The following NMNAT1 variants were observed in gnomAD, a reference collection of about 807,000 sequenced individuals.
The protein encoded by NMNAT1 is nicotinamide nucleotide adenylyltransferase 1, also known as nicotinamide/nicotinic acid mononucleotide adenylyltransferase 1.
Under a neutral mutation model 16.7 loss-of-function variants are expected in NMNAT1, and 11 were observed. That is an observed-to-expected ratio of 0.66 (90% CI 0.41 to 1.09). The LOEUF is 1.09. NMNAT1 is among the 50% of genes least tolerant of loss of function. The pLI, the probability that NMNAT1 is intolerant of heterozygous loss-of-function variation, is 0.00. For missense variants in NMNAT1, 280 were observed against 332.3 expected (o/e 0.84, Z 1.22); for synonymous variants, 110 against 119.8 (o/e 0.92, Z 0.53).
intron 1 of NMNAT1, among the ~76,000 whole-genome samples, chr1:9,966,884 A>G (rs1182129597): frequency 6.6e-6 from 1 of 152,176 alleles, no homozygotes; most frequent in Non-Finnish European, 1.5e-5. Context: ...GTTGAATGCC[A>G]GCAAACAATG....
intron 1 of NMNAT1, among the ~76,000 whole-genome samples, chr1:9,968,972 T>C (rs1641627933): frequency 6.7e-6 from 1 of 148,990 alleles, no homozygotes; most frequent in Non-Finnish European, 1.5e-5. Flanking sequence ...AGAAAAAACC[T>C]GGCACAAAAG....
intron 2 of NMNAT1, among the ~76,000 whole-genome samples, chr1:9,974,039 T>C (rs1009965554): frequency 1.3e-5 from 2 of 152,104 alleles, no homozygotes; most frequent in Admixed American, 6.6e-5. Context: ...GGTTTCACCA[T>C]GTTGACCAGG....
Position 9,972,723 on chromosome 1 carries a change from C to T in NMNAT1, c.115+535C>T, listed in dbSNP as rs188822179. 3.1e-3 allele frequency among the ~76,000 whole-genome samples: 478 copies of T among 152,068 alleles called. 11 individuals carry two copies. Among genetic ancestry groups the T allele is most frequent in the Non-Finnish European group, 7.6e-4 (52 of 67,980 alleles). On this transcript the variant is annotated intron_variant, in intron 2 of 4. Transcript: ENST00000377205. ...CTGTAATCCCAGTGCTTTGGGAGGC[C>T]GAGGTGGGAGGATCACTTGAGGCCA...
chr1:9,962,479 CT>C (rs1641439399), intron 1 of NMNAT1, among the ~76,000 whole-genome samples: 1 of 141,530 alleles, frequency 7.1e-6, no homozygotes, highest in African/African-American at 2.6e-5. Context: ...GAGACTCCGT[CT>C]GAAAAAAAAA....
intron 1 of NMNAT1, among the ~76,000 whole-genome samples, chr1:9,944,127 G>A (rs1640902805): frequency 6.6e-6 from 1 of 152,060 alleles, no homozygotes; most frequent in Non-Finnish European, 1.5e-5. Context: ...GGTGGTGGGC[G>A]CCTGTAATCT....
chr1:9,988,573 G>A (rs1642074059), downstream of NMNAT1, among the ~76,000 whole-genome samples: 1 of 151,874 alleles, frequency 6.6e-6, no homozygotes, highest in African/African-American at 2.4e-5. Flanking sequence ...CATGGTGGCA[G>A]GCACTTGTGG....
Position 9,981,072 on chromosome 1 carries a change from A to G in NMNAT1, c.341A>G (p.Gln114Arg). 1.2e-6 allele frequency: 2 copies of G among 1,613,540 alleles called. No homozygotes were observed. The highest frequency in any genetic ancestry group is 2.2e-5 in the South Asian group (2 of 90,966). The change falls in exon 4 of 5, where the codon CAG becomes CGG. Residue 114 changes from glutamine to arginine, a missense_variant. Physicochemically the swap from Gln to Arg is conservative, Grantham distance 43. Transcript: ENST00000377205. ...EKLEASDCDH[Q>R]QNSPTLERPG... ...TTGGAGGCTAGTGACTGTGATCACC[A>G]GCAGAACTCACCTACTCTAGAAAGG...
At chr1:9,958,320 A>T (rs539290941) in intron 1 of NMNAT1, among the ~76,000 whole-genome samples, 4 of 152,082 alleles carry the variant, frequency 2.6e-5, no homozygotes, top group Non-Finnish European at 5.9e-5. Flanking sequence ...TTGAATTGAG[A>T]TCCATTGCAT....
At chr1:9,971,240 A>G (rs1377326077) in intron 1 of NMNAT1, among the ~76,000 whole-genome samples, 1 of 152,196 alleles carries the variant, frequency 6.6e-6, no homozygotes, top group Non-Finnish European at 1.5e-5. Flanking sequence ...TTCATGGTAG[A>G]AGTTGCAGAT....
chr1:9,965,642 ATC>A (rs985595645), intron 1 of NMNAT1, among the ~76,000 whole-genome samples: 2 of 151,956 alleles, frequency 1.3e-5, no homozygotes, highest in African/African-American at 4.8e-5. Flanking sequence ...ACCTCAAGCG[ATC>A]TCTCTGCTTT....
downstream of NMNAT1, among the ~76,000 whole-genome samples, chr1:9,987,500 G>A (rs1039793611): frequency 3.3e-5 from 5 of 151,182 alleles, no homozygotes; most frequent in South Asian, 4.2e-4. Context: ...TTATCCGGGC[G>A]TAGGTGGCGG....
chr1:9,986,014 G>C (rs1642041274), downstream of NMNAT1, among the ~76,000 whole-genome samples: 1 of 152,038 alleles, frequency 6.6e-6, no homozygotes, highest in Admixed American at 6.6e-5. Flanking sequence ...GACTCTGCAG[G>C]GATGATCACT....
chr1:9,975,522 T>G, intron 2 of NMNAT1, 70 bp from the exon 3 acceptor site: 1 of 1,225,218 alleles, frequency 8.2e-7, no homozygotes, highest in Non-Finnish European at 1.2e-6. Flanking sequence ...CAAATAATAT[T>G]GATCGTAATA....
chr1:9,966,528 G>A (rs748244617), intron 1 of NMNAT1, among the ~76,000 whole-genome samples: 6 of 151,728 alleles, frequency 4.0e-5, no homozygotes, highest in Non-Finnish European at 7.4e-5. Context: ...CAGGAGAATC[G>A]CTTGAACCCA....
chr1:9,981,457 G>C, intron 4 of NMNAT1: 1 of 272,852 alleles, frequency 3.7e-6, no homozygotes, highest in Non-Finnish European at 7.1e-6. Flanking sequence ...GGATGGTCTT[G>C]ATCTCCTGAC....
At chr1:9,978,561 G>T (rs1167475702) in intron 3 of NMNAT1, among the ~76,000 whole-genome samples, 3 of 152,158 alleles carry the variant, frequency 2.0e-5, no homozygotes, top group Non-Finnish European at 4.4e-5. Context: ...TCTCTCAAGA[G>T]GACTTCCTTT....
rs780520411 is a variant in NMNAT1, at chr1:9,982,494, C to T, written c.633C>T (p.His211=). 111 of 1,614,004 alleles carry T rather than the reference C, an allele frequency of 6.9e-5. No individual in the cohort carries two copies. In the Admixed American group the frequency reaches 1.5e-3, roughly 22 times the overall value. The change falls in exon 5 of 5, where the codon CAC becomes CAT. Residue 211 remains histidine (H), a synonymous_variant. Coordinates refer to ENST00000377205, the MANE Select transcript of NMNAT1 (RefSeq NM_022787.4). ...DVLWKHRSNI[H]VVNEWIANDI... is the part of the protein sequence containing the mutation. ...TGTGGAAACACCGGAGCAACATTCA[C>T]GTGGTGAATGAATGGATCGCTAATG...
In NMNAT1 at chr1:9,959,071, T is replaced by C. The variant is rs569698474; in HGVS notation, c.-56-12947T>C. The stretch of plus-strand genomic sequence containing the variant: ...TGAGATTACGTGTACGTAGTTTCCA[T>C]GGCATGTAAGAAAATCTTGGTCGGG... On this transcript the variant is annotated intron_variant, in intron 1 of 4. Transcript: ENST00000377205. Among the ~76,000 whole-genome samples the C allele has an allele frequency of 9.1e-4, 138 of 152,288 alleles. 1 individual carries two copies. Among genetic ancestry groups the C allele is most frequent in the African/African-American group, 3.1e-3 (130 of 41,578 alleles).
chr1:9,991,805 T>G, the NMNAT1 span, among the ~76,000 whole-genome samples: 1 of 151,886 alleles, frequency 6.6e-6, no homozygotes, highest in East Asian at 1.9e-4. Context: ...TAGGAGCATA[T>G]AGGAAGGCTG....
Sources: allele counts gnomAD v4.1 joint callset (sites outside exome capture counted in the v4.1 genomes callset), GRCh38; gene constraint gnomAD v4.1.1; transcripts MANE v1.5; gene names NCBI Gene and HGNC (gene_info 2026-07-23, HGNC 2026-07-21).